The following ADGRA3 variants were observed in gnomAD, a reference collection of about 807,000 sequenced individuals.
ADGRA3 encodes G-protein coupled receptor 125.
A neutral mutation model predicts 119.8 loss-of-function variants in ADGRA3; 56 were observed. The ratio of observed to expected loss-of-function variants is 0.47; its 90% CI spans 0.38 to 0.58. The LOEUF (loss-of-function observed/expected upper bound fraction) is 0.58. ADGRA3 is among the 20% of genes least tolerant of loss of function. ADGRA3 has a pLI of 0.00. For missense variants in ADGRA3, 1,516 were observed against 1,649.0 expected (o/e 0.92, Z 1.40); for synonymous variants, 607 against 623.8 (o/e 0.97, Z 0.40).
At chr4:22,399,178 T>C (rs1395850283) in intron 16 of ADGRA3, among the ~76,000 whole-genome samples, 1 of 152,214 alleles carries the variant, frequency 6.6e-6, no homozygotes, top group African/African-American at 2.4e-5. Context: ...GACATGCTCA[T>C]CCATTCTCCT....
intron 1 of ADGRA3, among the ~76,000 whole-genome samples, chr4:22,507,188 C>T (rs911814447): frequency 2.6e-5 from 4 of 151,894 alleles, no homozygotes; most frequent in Admixed American, 2.0e-4. Context: ...TGCAGTGAGC[C>T]GAGATCGCGC....
At chr4:22,475,682 G>A (rs1265844787) in intron 1 of ADGRA3, among the ~76,000 whole-genome samples, 5 of 151,690 alleles carry the variant, frequency 3.3e-5, no homozygotes, top group Admixed American at 6.6e-5. Flanking sequence ...AGCCGAGATC[G>A]TGCCACTGCA....
In ADGRA3 at chr4:22,388,485, G is replaced by A. The variant is rs1402232827; in HGVS notation, c.3186C>T (p.Cys1062=). The A allele has an allele frequency of 5.0e-6, 8 of 1,613,946 alleles. No individual in the cohort carries two copies. The East Asian group carries it at 1.3e-4, about 27-fold the overall frequency. Residue 1062 remains cysteine, a synonymous_variant, in exon 19 of 19, where the codon TGC becomes TGT. Transcript: ENST00000334304. ...GCACTGAATACGAGCTCCGTCCTGG[G>A]CAGCAAGTCATGATCCACGCAAGTC... ...DVRLAWIMTC[C]PGRSSYSVQV...
intron 1 of ADGRA3, among the ~76,000 whole-genome samples, chr4:22,488,865 G>T (rs1025142651): frequency 6.6e-6 from 1 of 151,910 alleles, no homozygotes; most frequent in African/African-American, 2.4e-5. Flanking sequence ...AGTCCCCTGG[G>T]AGAAAAAAAG....
rs1716353632 is a variant in ADGRA3, at chr4:22,435,409, C to T, written c.1345G>A (p.Val449Met). ...TTGTCAGAAAAGTTGGCTGCTTCCA[C>T]AGTGTAAGCCAGTAACTGTCGAGCT... ...ATARQLLAYT[V>M]EAANFSDKMD... Residue 449 changes from valine to methionine, a missense_variant, in exon 10 of 19, where the codon GTG becomes ATG. Physicochemically the swap from Val to Met is conservative, Grantham distance 21. Around this residue, in one of 2 missense-constraint regions of ADGRA3, gnomAD observed 1,088 missense variants for 1,107.1 expected, o/e 0.98. Coordinates refer to ENST00000334304, the MANE Select transcript of ADGRA3 (RefSeq NM_145290.4). 8 of 1,612,774 alleles carry T rather than the reference C, an allele frequency of 5.0e-6. No homozygotes were observed. Among genetic ancestry groups the T allele is most frequent in the Non-Finnish European group, 6.8e-6 (8 of 1,178,974 alleles).
intron 14 of ADGRA3, among the ~76,000 whole-genome samples, chr4:22,409,790 C>CA (rs528208772): frequency 1.3e-5 from 2 of 151,820 alleles, no homozygotes; most frequent in South Asian, 2.1e-4. Context: ...TGCAAAAATG[C>CA]AAAAAAATAG....
intron 2 of ADGRA3, among the ~76,000 whole-genome samples, chr4:22,463,556 T>C (rs1195372984): frequency 6.6e-6 from 1 of 152,238 alleles, no homozygotes; most frequent in African/African-American, 2.4e-5. Flanking sequence ...CAAGGAAGTC[T>C]GGCTGCAATG....
chr4:22,495,609 A>G (rs2109157342), intron 1 of ADGRA3, among the ~76,000 whole-genome samples: 1 of 152,144 alleles, frequency 6.6e-6, no homozygotes. Context: ...TTTCTTTTAT[A>G]AAAGTATCAA....
chr4:22,436,631 T>C lies in ADGRA3; in HGVS notation c.1096A>G (p.Thr366Ala), dbSNP rs200053006. 7.2e-5 allele frequency: 117 copies of C among 1,613,996 alleles called. No individual in the cohort carries two copies. In the Middle Eastern group the frequency reaches 1.5e-3, roughly 21 times the overall value. ...NNKGDFRWPRTLAGITAYLQC... is the reference protein window; with the variant it reads ...NNKGDFRWPRALAGITAYLQC... ...AGATATGCAGTAATGCCTGCCAATG[T>C]TCTGGGCCATCTAGAGATGAAGACA... Residue 366 changes from threonine (T) to alanine (A), a missense_variant, in exon 9 of 19, where the codon ACA becomes GCA. By Grantham distance (58) the Thr-to-Ala change is moderately conservative. This residue lies in a region of ADGRA3 where 428 missense variants were observed against 541.9 expected (regional missense o/e 0.79). Coordinates refer to ENST00000334304, the MANE Select transcript of ADGRA3 (RefSeq NM_145290.4).
chr4:22,409,198 C>T (rs1318512958), intron 14 of ADGRA3, among the ~76,000 whole-genome samples: 2 of 152,180 alleles, frequency 1.3e-5, no homozygotes, highest in Non-Finnish European at 1.5e-5. Flanking sequence ...TATTTGTGCA[C>T]TTTGCTCAAT....
intron 1 of ADGRA3, among the ~76,000 whole-genome samples, chr4:22,501,436 G>A (rs1719044256): frequency 6.6e-6 from 1 of 152,094 alleles, no homozygotes; most frequent in South Asian, 2.1e-4. Flanking sequence ...CTCTGGGTCA[G>A]AATAAACTGC....
chr4:22,512,661 C>T (rs913915813), intron 1 of ADGRA3, among the ~76,000 whole-genome samples: 2 of 152,142 alleles, frequency 1.3e-5, no homozygotes, highest in African/African-American at 4.8e-5. Flanking sequence ...GATGCGGAGA[C>T]TTAAGTGATG....
rs1222222537 is a variant in ADGRA3, at chr4:22,388,500, C to T, written c.3171G>A (p.Trp1057Ter). Residue 1057 changes from tryptophan (W) to a stop codon, truncating the protein, a stop_gained, in exon 19 of 19, where the codon TGG becomes TGA. Transcript: ENST00000334304. LOFTEE classifies it high-confidence loss of function. ...CVNREDVRLAWIMTCCPGRSS... is the reference protein window; with the variant it reads ...CVNREDVRLA The stretch of plus-strand genomic sequence containing the variant: ...TCCGTCCTGGGCAGCAAGTCATGAT[C>T]CACGCAAGTCTAACATCCTCCCTAT... 1 of 1,614,054 alleles carries T rather than the reference C, an allele frequency of 6.2e-7. No homozygotes were observed. Among genetic ancestry groups the T allele is most frequent in the Non-Finnish European group, 8.5e-7 (1 of 1,180,002 alleles).
At chr4:22,501,134 T>C (rs1217866791) in intron 1 of ADGRA3, among the ~76,000 whole-genome samples, 2 of 152,182 alleles carry the variant, frequency 1.3e-5, no homozygotes, top group East Asian at 1.9e-4. Flanking sequence ...CTTATAACCA[T>C]GTGAGCCAAC....
At chr4:22,493,680 T>C (rs1295947032) in intron 1 of ADGRA3, among the ~76,000 whole-genome samples, 2 of 152,092 alleles carry the variant, frequency 1.3e-5, no homozygotes, top group Non-Finnish European at 2.9e-5. Context: ...GAGGAGTCAA[T>C]GTGTACTCAT....
intron 3 of ADGRA3, among the ~76,000 whole-genome samples, chr4:22,457,014 A>T (rs537474130): frequency 7.2e-5 from 11 of 152,202 alleles, no homozygotes; most frequent in Admixed American, 3.3e-4. Flanking sequence ...TTGCATAAAC[A>T]AGCATATCTA....
chr4:22,435,509 C>T lies in ADGRA3; in HGVS notation c.1288-43G>A, dbSNP rs766896756. 6 of 1,514,044 alleles carry T rather than the reference C, an allele frequency of 4.0e-6. No individual in the cohort carries two copies. The South Asian group carries it at 7.3e-5, about 19-fold the overall frequency. 93.8% of individuals were successfully genotyped at this position (1,514,044 alleles called of 1,614,324 possible). A position where few individuals can be genotyped will look rare whatever the true frequency, so the allele number is the denominator to read the frequency against. On this transcript the variant is annotated intron_variant, in intron 9 of 18. Transcript: ENST00000334304. ...AAATGATCAACAAAACAGTCATTAG[C>T]AAAATGATCAACACAATCCTGACAT...
chr4:22,484,409 A>G (rs1236184884), intron 1 of ADGRA3, among the ~76,000 whole-genome samples: 3 of 152,122 alleles, frequency 2.0e-5, no homozygotes, highest in African/African-American at 7.2e-5. Flanking sequence ...GTTTGAGACC[A>G]GCCTGACCAA....
At position 22,390,447 on chromosome 4, in the gene ADGRA3, A is replaced by T. The variant is rs992401213; in HGVS notation, c.2628-1264T>A. 9.5e-5 allele frequency among the ~76,000 whole-genome samples: 9 copies of T among 94,736 alleles called. No homozygotes were observed. In the South Asian group the frequency reaches 1.3e-3, roughly 14 times the overall value. 62.2% of individuals were successfully genotyped at this position (94,736 alleles called of 152,430 possible). On this transcript the variant is annotated intron_variant, in intron 17 of 18. Transcript: ENST00000334304. Reference sequence around the variant, plus strand: ...ATAATACGTATTATATATATATATAAAATACGTATTATATATATATTCAAG... The same window carrying T: ...ATAATACGTATTATATATATATATATAATACGTATTATATATATATTCAAG...
Sources: allele counts gnomAD v4.1 joint callset (sites outside exome capture counted in the v4.1 genomes callset), GRCh38; gene constraint gnomAD v4.1.1; regional missense constraint gnomAD v4.1.1; transcripts MANE v1.5; gene names NCBI Gene and HGNC (gene_info 2026-07-23, HGNC 2026-07-21).